Variants in MACROD2 observed in about 807,000 individuals in gnomAD.
MACROD2 encodes ADP-ribose glycohydrolase MACROD2.
MACROD2 carries 36 observed loss-of-function variants against 70.4 expected under a neutral mutation model. The ratio of observed to expected loss-of-function variants is 0.51; its 90% CI spans 0.39 to 0.68. MACROD2 has a LOEUF of 0.68. Ranked by LOEUF, MACROD2 falls within the 30% of genes least tolerant of loss-of-function variation. The probability of loss-of-function intolerance (pLI) is 0.00; values close to 1 mark genes in which losing one functional copy is unlikely to be tolerated. For synonymous variants in MACROD2, 172 were observed against 178.8 expected (o/e 0.96, Z 0.30); for missense variants, 496 against 538.4 (o/e 0.92, Z 0.78).
chr20:15,792,831 A>G (rs908841373), intron 8 of MACROD2, among the ~76,000 whole-genome samples: 7 of 152,196 alleles, frequency 4.6e-5, no homozygotes, highest in African/African-American at 1.2e-4. Flanking sequence ...ATTCAATAGT[A>G]TATTCACACA....
intron 5 of MACROD2, among the ~76,000 whole-genome samples, chr20:14,858,441 T>C (rs1025676057): frequency 2.6e-5 from 4 of 152,238 alleles, no homozygotes; most frequent in African/African-American, 9.6e-5. Context: ...ACTGTGTGAC[T>C]TTGTGGTAGA....
chr20:15,500,548 G>T (rs560467504), intron 8 of MACROD2, among the ~76,000 whole-genome samples: 1 of 152,256 alleles, frequency 6.6e-6, no homozygotes, highest in African/African-American at 2.4e-5. Flanking sequence ...TTCAGGCAAT[G>T]CACAGTCTTA....
At chr20:15,154,204 G>A (rs2076291131) in intron 5 of MACROD2, among the ~76,000 whole-genome samples, 1 of 152,186 alleles carries the variant, frequency 6.6e-6, no homozygotes, top group Non-Finnish European at 1.5e-5. Context: ...GGAAGAAGCA[G>A]TATAGCCCCT....
At chr20:14,379,584 C>T (rs6110266) in intron 3 of MACROD2, among the ~76,000 whole-genome samples, 42,459 of 151,926 alleles carry the variant, frequency 0.28, 6,974 homozygotes, top group East Asian at 0.57. Context: ...AAATAGAAAC[C>T]CTGTAATGAG....
intron 8 of MACROD2, among the ~76,000 whole-genome samples, chr20:15,501,407 G>A (rs148013108): frequency 9.9e-5 from 15 of 152,264 alleles, no homozygotes; most frequent in African/African-American, 3.1e-4. Context: ...TCATATCATC[G>A]AGGATGTAGT....
chr20:15,692,183 C>T (rs995856417), intron 8 of MACROD2, among the ~76,000 whole-genome samples: 1 of 152,040 alleles, frequency 6.6e-6, no homozygotes, highest in African/African-American at 2.4e-5. Flanking sequence ...TCAGGGCCTG[C>T]CATGCGGTAG....
rs544131263 is a variant in MACROD2 at position 15,214,165 on chromosome 20, C to T, written c.419-15775C>T. On this transcript the variant is annotated intron_variant, in intron 5 of 17. Transcript: ENST00000684519. Reference sequence around the variant, plus strand: ...CAAAAAATATCTATGTGACAAAGCTCCCAAGCCAGGATCCAGTATGACTTT... The same window carrying T: ...CAAAAAATATCTATGTGACAAAGCTTCCAAGCCAGGATCCAGTATGACTTT... Among the ~76,000 whole-genome samples, 7 of 152,278 alleles carry T rather than the reference C, an allele frequency of 4.6e-5. No individual in the cohort carries two copies. The East Asian group carries it at 7.7e-4, about 17-fold the overall frequency.
intron 3 of MACROD2, among the ~76,000 whole-genome samples, chr20:14,473,580 G>C (rs2084554931): frequency 6.7e-6 from 1 of 149,498 alleles, no homozygotes; most frequent in South Asian, 2.1e-4. Context: ...TCTCTTTCTT[G>C]GCTATTGTGA....
intron 3 of MACROD2, among the ~76,000 whole-genome samples, chr20:14,472,346 G>C (rs1411561083): frequency 1.3e-5 from 2 of 151,986 alleles, no homozygotes; most frequent in Non-Finnish European, 2.9e-5. Flanking sequence ...CATTTACTAA[G>C]CATTTACAGA....
At chr20:14,385,175 A>G (rs1816283603) in intron 3 of MACROD2, among the ~76,000 whole-genome samples, 1 of 152,172 alleles carries the variant, frequency 6.6e-6, no homozygotes, top group Non-Finnish European at 1.5e-5. Context: ...TCTTTCAGGC[A>G]AAGTGTATTC....
intron 6 of MACROD2, among the ~76,000 whole-genome samples, chr20:15,363,737 T>C (rs1232435330): frequency 2.6e-5 from 4 of 151,898 alleles, no homozygotes; most frequent in African/African-American, 9.7e-5. Flanking sequence ...CAACTAAAGC[T>C]CAAATTTAGT....
intron 3 of MACROD2, among the ~76,000 whole-genome samples, chr20:14,286,373 A>G (rs1202531685): frequency 6.6e-6 from 1 of 152,132 alleles, no homozygotes; most frequent in Non-Finnish European, 1.5e-5. Context: ...CTATAAAAAT[A>G]AACATAAGCA....
chr20:15,902,711 G>A (rs774786783), intron 10 of MACROD2, among the ~76,000 whole-genome samples: 1 of 152,052 alleles, frequency 6.6e-6, no homozygotes, highest in Non-Finnish European at 1.5e-5. Flanking sequence ...AGGAGCTGAG[G>A]CCCCCTGCTG....
chr20:14,995,753 A>G (rs779918397), intron 5 of MACROD2, among the ~76,000 whole-genome samples: 1 of 152,182 alleles, frequency 6.6e-6, no homozygotes, highest in Non-Finnish European at 1.5e-5. Context: ...ACCATAATGG[A>G]CATTATAAAG....
chr20:14,672,082 T>A (rs2070801825), intron 4 of MACROD2, among the ~76,000 whole-genome samples: 1 of 152,198 alleles, frequency 6.6e-6, no homozygotes, highest in Non-Finnish European at 1.5e-5. Context: ...TGATGATGAA[T>A]ATCTGTGTAA....
At chr20:14,364,431 T>G (rs967218530) in intron 3 of MACROD2, among the ~76,000 whole-genome samples, 9 of 152,216 alleles carry the variant, frequency 5.9e-5, no homozygotes, top group Non-Finnish European at 1.3e-4. Flanking sequence ...AGTTGTATAA[T>G]TTAAAAATTA....
intron 5 of MACROD2, among the ~76,000 whole-genome samples, chr20:15,121,667 A>G (rs2076032143): frequency 6.6e-6 from 1 of 152,030 alleles, no homozygotes; most frequent in Non-Finnish European, 1.5e-5. Flanking sequence ...AATCCTTACC[A>G]CAGCCTGTTT....
chr20:14,102,339 G>A (rs2054312498), intron 3 of MACROD2, among the ~76,000 whole-genome samples: 1 of 151,836 alleles, frequency 6.6e-6, no homozygotes, highest in South Asian at 2.1e-4. Flanking sequence ...GAACTCAGAG[G>A]GACTCAAGAG....
chr20:15,448,557 TAG>T (rs1289304101), intron 7 of MACROD2, among the ~76,000 whole-genome samples: 1 of 152,238 alleles, frequency 6.6e-6, no homozygotes, highest in East Asian at 1.9e-4. Context: ...TGACAAATGG[TAG>T]AGAGTCAGTA....
Sources: allele counts gnomAD v4.1 joint callset (sites outside exome capture counted in the v4.1 genomes callset), GRCh38; gene constraint gnomAD v4.1.1; transcripts MANE v1.5; gene names NCBI Gene and HGNC (gene_info 2026-07-23, HGNC 2026-07-21).